The following IL12RB2 variants were observed in gnomAD, a reference collection of about 807,000 sequenced individuals.
The protein encoded by IL12RB2 is interleukin 12 receptor subunit beta 2, also known as interleukin-12 receptor subunit beta-2.
Under a neutral mutation model 89.4 loss-of-function variants are expected in IL12RB2, and 82 were observed. That is an observed-to-expected ratio of 0.92 (90% CI 0.77 to 1.10). IL12RB2 has a LOEUF of 1.10. Ranked by LOEUF, IL12RB2 falls within the 50% of genes least tolerant of loss-of-function variation. The probability of loss-of-function intolerance (pLI) is 0.00; values close to 1 mark genes in which losing one functional copy is unlikely to be tolerated. For missense variants in IL12RB2, 963 were observed against 1,031.9 expected, an observed-to-expected ratio of 0.93 and a Z score of 0.92; for synonymous variants, 368 against 370.1, an observed-to-expected ratio of 0.99 and a Z score of 0.07.
intron 14 of IL12RB2, 69 bp downstream of exon 14, chr1:67,380,192 T>G: frequency 6.7e-7 from 1 of 1,497,566 alleles, no homozygotes; most frequent in Non-Finnish European, 9.3e-7. Context: ...CCTATTACAT[T>G]TGGTATAGAG....
chr1:67,364,422 A>C (rs1662453384), intron 10 of IL12RB2, among the ~76,000 whole-genome samples: 1 of 152,172 alleles, frequency 6.6e-6, no homozygotes, highest in Non-Finnish European at 1.5e-5. Context: ...AAATTGACAC[A>C]TATAGAGCAA....
chr1:67,379,643 C>T (rs999229259), intron 13 of IL12RB2, among the ~76,000 whole-genome samples: 1 of 150,726 alleles, frequency 6.6e-6, no homozygotes, highest in South Asian at 2.1e-4. Flanking sequence ...AGGGAGTTAA[C>T]TTTAGCTAAA....
intron 10 of IL12RB2, among the ~76,000 whole-genome samples, chr1:67,358,774 T>C (rs945430248): frequency 2.0e-5 from 3 of 152,064 alleles, no homozygotes; most frequent in African/African-American, 7.2e-5. Flanking sequence ...GAAATAAACT[T>C]ATGGTTAAAT....
intron 2 of IL12RB2, among the ~76,000 whole-genome samples, chr1:67,318,292 A>G (rs574412391): frequency 5.9e-5 from 9 of 152,092 alleles, no homozygotes; most frequent in African/African-American, 1.2e-4. Flanking sequence ...GGCTGTGGAT[A>G]TTTTTCTAAC....
chr1:67,326,455 C>A (rs900845208), intron 4 of IL12RB2, among the ~76,000 whole-genome samples: 2 of 152,184 alleles, frequency 1.3e-5, no homozygotes, highest in Admixed American at 1.3e-4. Flanking sequence ...ATAATAGTAT[C>A]TACCTCATGG....
intron 1 of IL12RB2, among the ~76,000 whole-genome samples, chr1:67,312,541 G>A (rs148709475): frequency 9.9e-5 from 15 of 151,968 alleles, no homozygotes; most frequent in East Asian, 5.8e-4. Context: ...ATTTGTTTAC[G>A]CACAACATTT....
intron 2 of IL12RB2, among the ~76,000 whole-genome samples, chr1:67,319,057 G>A (rs1208973420): frequency 6.6e-6 from 1 of 152,172 alleles, no homozygotes; most frequent in Non-Finnish European, 1.5e-5. Context: ...AACCCCACAG[G>A]GACAGGAGTG....
rs555298342 is a variant in IL12RB2, at chr1:67,346,804, G to A, written c.1039-4066G>A. Among the ~76,000 whole-genome samples, 11 of 152,264 alleles carry A rather than the reference G, an allele frequency of 7.2e-5. No individual in the cohort carries two copies. In the East Asian group the frequency reaches 1.5e-3, roughly 21 times the overall value. On this transcript the variant is annotated intron_variant, in intron 9 of 16. Transcript: ENST00000674203. ...ACATGTATTTTGTAACCAACTGAAT[G>A]GCATTGGTGAGACTTCCATATAGAA...
At chr1:67,347,281 C>G (rs1660342939) in intron 9 of IL12RB2, among the ~76,000 whole-genome samples, 1 of 152,188 alleles carries the variant, frequency 6.6e-6, no homozygotes, top group Non-Finnish European at 1.5e-5. Flanking sequence ...AGACCCTCTT[C>G]TTTGATACAG....
At chr1:67,321,552 A>C in intron 3 of IL12RB2, 50 bp from the exon 4 acceptor site, 2 of 1,213,334 alleles carry the variant, frequency 1.6e-6, no homozygotes, top group Non-Finnish European at 2.4e-6. Flanking sequence ...CTTCATTTTG[A>C]AATGGGTTTA....
At chr1:67,315,236 A>G (rs909457844) in intron 2 of IL12RB2, among the ~76,000 whole-genome samples, 1 of 152,086 alleles carries the variant, frequency 6.6e-6, no homozygotes, top group South Asian at 2.1e-4. Context: ...TAATAATAGG[A>G]CATAATATAT....
At chr1:67,377,843 C>T (rs1054998903) in intron 13 of IL12RB2, among the ~76,000 whole-genome samples, 3 of 152,058 alleles carry the variant, frequency 2.0e-5, no homozygotes, top group Non-Finnish European at 2.9e-5. Context: ...CACTGAAACT[C>T]GGCGGGGTGC....
chr1:67,316,272 A>C (rs1655751018), intron 2 of IL12RB2, among the ~76,000 whole-genome samples: 1 of 152,134 alleles, frequency 6.6e-6, no homozygotes, highest in Admixed American at 6.5e-5. Flanking sequence ...GTTCACTCTG[A>C]CCTGAAGACA....
At chr1:67,379,595 C>G in intron 13 of IL12RB2, among the ~76,000 whole-genome samples, 1 of 149,486 alleles carries the variant, frequency 6.7e-6, no homozygotes, top group Non-Finnish European at 1.5e-5. Flanking sequence ...CCAAATAAGC[C>G]TGATAAATAC....
chr1:67,309,392 GAACA>G (rs1415794954), intron 1 of IL12RB2, among the ~76,000 whole-genome samples: 1 of 152,082 alleles, frequency 6.6e-6, no homozygotes, highest in Non-Finnish European at 1.5e-5. Context: ...ACCTCCACTT[GAACA>G]AACAAACGTT....
chr1:67,345,417 T>G (rs1325461868), intron 9 of IL12RB2, among the ~76,000 whole-genome samples: 1 of 152,228 alleles, frequency 6.6e-6, no homozygotes, highest in Non-Finnish European at 1.5e-5. Context: ...CTCTCTCATA[T>G]GCAGAATATT....
At chr1:67,351,940 T>C (rs1660896777) in intron 10 of IL12RB2, among the ~76,000 whole-genome samples, 2 of 152,220 alleles carry the variant, frequency 1.3e-5, no homozygotes, top group African/African-American at 4.8e-5. Context: ...AAATGCCTAA[T>C]AGAGTAAAAC....
chr1:67,328,354 C>T lies in IL12RB2; in HGVS notation c.634C>T (p.Leu212Phe). 6.2e-7 allele frequency: 1 copy of T among 1,614,186 alleles called. No individual in the cohort carries two copies. The highest frequency in any genetic ancestry group is 8.5e-7 in the Non-Finnish European group (1 of 1,180,030). The change falls in exon 6 of 17, where the codon CTT (leucine) becomes TTT (phenylalanine). Residue 212 changes from leucine (L) to phenylalanine (F), a missense_variant. By Grantham distance (22) the Leu-to-Phe change is conservative. Coordinates refer to ENST00000674203, the MANE Select transcript of IL12RB2 (RefSeq NM_001374259.2). ...AVNSLGSSSS[L>F]PSTFTFLDIV... ...CAATAGTCTTGGAAGCTCCTCTTCACTTCCATCCACATTCACATTCTTGGA... is the reference window on the plus strand; with the variant it reads ...CAATAGTCTTGGAAGCTCCTCTTCATTTCCATCCACATTCACATTCTTGGA...
Position 67,367,979 on chromosome 1 carries a change from A to C in IL12RB2, c.1413A>C (p.Leu471=), listed in dbSNP as rs1662894008. The C allele has an allele frequency of 6.2e-7, 1 of 1,611,814 alleles. No individual in the cohort carries two copies. The highest frequency in any genetic ancestry group is 1.7e-5 in the Admixed American group (1 of 60,026). The part of the protein sequence containing the change: ...LHPGGDTQVP[L]NWLRSRPYNV... ...CAGGGGGTGACACACAGGTCCCTCTAAACTGGCTACGGAGTCGACCCTACA... is the reference window on the plus strand; with the variant it reads ...CAGGGGGTGACACACAGGTCCCTCTCAACTGGCTACGGAGTCGACCCTACA... Residue 471 remains leucine (L), a synonymous_variant, in exon 11 of 17, where the codon CTA becomes CTC. Transcript: ENST00000674203.
Sources: allele counts gnomAD v4.1 joint callset (sites outside exome capture counted in the v4.1 genomes callset), GRCh38; gene constraint gnomAD v4.1.1; transcripts MANE v1.5; gene names NCBI Gene and HGNC (gene_info 2026-07-23, HGNC 2026-07-21).